CDH12: variants seen among roughly 807,000 people sequenced by gnomAD.
CDH12 encodes cadherin 12, also known as cadherin-12.
Under a neutral mutation model 74.1 loss-of-function variants are expected in CDH12, and 41 were observed. The observed-to-expected ratio is 0.55, with a 90% confidence interval of 0.43 to 0.72. The LOEUF is 0.72. Among genes scored for constraint, CDH12 ranks in the 30% least tolerant of loss-of-function variants. The probability of loss-of-function intolerance (pLI) is 0.00; values close to 1 mark genes in which losing one functional copy is unlikely to be tolerated. For missense variants in CDH12, 945 were observed against 977.2 expected, an observed-to-expected ratio of 0.97 and a Z score of 0.44; for synonymous variants, 399 against 355.0, an observed-to-expected ratio of 1.12 and a Z score of -1.39.
chr5:22,597,371 T>A (rs1467646508), intron 1 of CDH12, among the ~76,000 whole-genome samples: 1 of 152,214 alleles, frequency 6.6e-6, no homozygotes, highest in Non-Finnish European at 1.5e-5. Context: ...CCACATATCA[T>A]ATGCACAGAT....
chr5:21,755,811 A>G lies in CDH12; in HGVS notation c.1665T>C (p.Asn555=), dbSNP rs1230237095. 6 of 1,613,840 alleles carry G rather than the reference A, an allele frequency of 3.7e-6. No homozygotes were observed. The highest frequency in any genetic ancestry group is 5.1e-6 in the Non-Finnish European group (6 of 1,179,942). The change falls in exon 14 of 15, where the codon AAT becomes AAC. Residue 555 remains asparagine (N), a synonymous_variant. Coordinates refer to ENST00000382254, the MANE Select transcript of CDH12 (RefSeq NM_004061.5). The part of the protein sequence containing the change: ...NNTAGIETRR[N]GYSRRQQELY... The stretch of plus-strand genomic sequence containing the variant: ...ACTCTTGCTGCCTGCGGCTGTATCC[A>G]TTTCTTCGGGTTTCAATCCCCGCTG...
chr5:22,635,411 A>T (rs1738787464), intron 1 of CDH12, among the ~76,000 whole-genome samples: 1 of 152,194 alleles, frequency 6.6e-6, no homozygotes, highest in African/African-American at 2.4e-5. Flanking sequence ...GTAGGATTAA[A>T]TCTCTGTGAG....
chr5:22,075,374 A>C (rs1742240692), intron 5 of CDH12, among the ~76,000 whole-genome samples: 1 of 151,280 alleles, frequency 6.6e-6, no homozygotes, highest in African/African-American at 2.4e-5. Context: ...TGATGAGTTA[A>C]TGGGTACAGC....
chr5:21,900,010 C>A (rs1184034855), intron 6 of CDH12, among the ~76,000 whole-genome samples: 1 of 151,856 alleles, frequency 6.6e-6, no homozygotes, highest in Non-Finnish European at 1.5e-5. Flanking sequence ...ATATACAAAT[C>A]CACAGATTTT....
Position 22,419,786 on chromosome 5 carries a change from A to G in CDH12, c.-427-14435T>C, listed in dbSNP as rs186189244. On this transcript the variant is annotated intron_variant, in intron 2 of 14. Transcript: ENST00000382254. ...CCACCAAAACTGTAAAAGCATTCCT[A>G]TTTCTCCACAGCCTCACCAGCATCT... Among the ~76,000 whole-genome samples the G allele has an allele frequency of 9.2e-5, 14 of 152,214 alleles. No individual in the cohort carries two copies. In the East Asian group the frequency reaches 1.5e-3, roughly 17 times the overall value.
Position 22,524,127 on chromosome 5 carries a change from C to T in CDH12, c.-522-18763G>A, listed in dbSNP as rs182251811. Among the ~76,000 whole-genome samples, 290 of 151,664 alleles carry T rather than the reference C, an allele frequency of 1.9e-3. 2 individuals carry two copies. The highest frequency in any genetic ancestry group is 6.6e-3 in the African/African-American group (275 of 41,372). ...CCTCCTGAGTAGGTGGGACCACAGG[C>T]GCACGCCACCATATCTGGCTAATTT... On this transcript the variant is annotated intron_variant, in intron 1 of 14. Coordinates refer to ENST00000382254, the MANE Select transcript of CDH12 (RefSeq NM_004061.5).
In CDH12 at chr5:22,305,941, A is replaced by G. The variant is rs527381082; in HGVS notation, c.-332-93298T>C. On this transcript the variant is annotated intron_variant, in intron 3 of 14. Transcript: ENST00000382254. ...CACCCTGAATGATCTTCTTTCATAA[A>G]CTTCTTAAATTACATAGCACCTTCT... Among the ~76,000 whole-genome samples the G allele has an allele frequency of 2.5e-3, 374 of 152,076 alleles. 3 individuals carry two copies. Among genetic ancestry groups the G allele is most frequent in the African/African-American group, 8.9e-3 (368 of 41,456 alleles).
At chr5:22,553,971 T>C (rs1405471943) in intron 1 of CDH12, among the ~76,000 whole-genome samples, 2 of 152,170 alleles carry the variant, frequency 1.3e-5, no homozygotes, top group Non-Finnish European at 2.9e-5. Flanking sequence ...AGGAAATAAA[T>C]ACATCCTTAA....
intron 1 of CDH12, among the ~76,000 whole-genome samples, chr5:22,624,407 C>T (rs979006466): frequency 1.1e-4 from 17 of 152,080 alleles, no homozygotes; most frequent in Non-Finnish European, 2.1e-4. Context: ...GCAATCTACT[C>T]ATCTGACAAA....
intron 1 of CDH12, among the ~76,000 whole-genome samples, chr5:22,710,813 T>G (rs269028): frequency 0.7 from 106,320 of 151,544 alleles, 37,470 homozygotes; most frequent in Admixed American, 0.75. Flanking sequence ...CTATCTAGAT[T>G]CTGCAGCTTA....
At chr5:22,260,438 C>T (rs757238227) in intron 3 of CDH12, among the ~76,000 whole-genome samples, 13 of 152,092 alleles carry the variant, frequency 8.5e-5, no homozygotes, top group Non-Finnish European at 1.8e-4. Flanking sequence ...ACTTGGTCAA[C>T]ACCAACTGCT....
chr5:22,124,700 ATCT>A (rs559612419), intron 4 of CDH12, among the ~76,000 whole-genome samples: 1 of 152,118 alleles, frequency 6.6e-6, no homozygotes, highest in East Asian at 1.9e-4. Context: ...TACTCTATTA[ATCT>A]TCTTAAATTT....
intron 1 of CDH12, among the ~76,000 whole-genome samples, chr5:22,607,372 G>A (rs1166855517): frequency 6.6e-6 from 1 of 152,142 alleles, no homozygotes; most frequent in Non-Finnish European, 1.5e-5. Flanking sequence ...GGAAGAAAAA[G>A]AGTTTTAATT....
chr5:21,880,629 T>C (rs934864186), intron 6 of CDH12, among the ~76,000 whole-genome samples: 38 of 77,086 alleles, frequency 4.9e-4, no homozygotes, highest in South Asian at 2.9e-3. Flanking sequence ...CTTTCTTTCT[T>C]TCTTTCTTTC....
At chr5:22,648,888 T>C (rs1261569972) in intron 1 of CDH12, among the ~76,000 whole-genome samples, 1 of 151,968 alleles carries the variant, frequency 6.6e-6, no homozygotes. Context: ...CCAATTACTT[T>C]AAGCTTAACA....
At chr5:22,584,302 G>C (rs1197714298) in intron 1 of CDH12, among the ~76,000 whole-genome samples, 1 of 152,104 alleles carries the variant, frequency 6.6e-6, no homozygotes, top group Non-Finnish European at 1.5e-5. Context: ...GTTTCACCAT[G>C]TTGATCAGGC....
chr5:21,838,347 G>T (rs1195758557), intron 8 of CDH12, among the ~76,000 whole-genome samples: 1 of 152,104 alleles, frequency 6.6e-6, no homozygotes, highest in Non-Finnish European at 1.5e-5. Context: ...ATCACCTGAG[G>T]TCAGGAGTTT....
chr5:22,244,756 GAAAGAAA>G, intron 3 of CDH12, among the ~76,000 whole-genome samples: 1 of 102,290 alleles, frequency 9.8e-6, no homozygotes, highest in East Asian at 2.9e-4. Context: ...AAGAAAGAAA[GAAAGAAA>G]GAAAGAAAGA....
chr5:22,359,484 G>T (rs1243256825), intron 3 of CDH12, among the ~76,000 whole-genome samples: 1 of 152,106 alleles, frequency 6.6e-6, no homozygotes, highest in Non-Finnish European at 1.5e-5. Flanking sequence ...AATAATGGGA[G>T]ACTTCAACAC....
Sources: allele counts gnomAD v4.1 joint callset (sites outside exome capture counted in the v4.1 genomes callset), GRCh38; gene constraint gnomAD v4.1.1; transcripts MANE v1.5; gene names NCBI Gene and HGNC (gene_info 2026-07-23, HGNC 2026-07-21).